LSM14A: variants seen among roughly 807,000 people sequenced by gnomAD.
LSM14A encodes LSM14A mRNA processing body assembly factor.
LSM14A carries 14 observed loss-of-function variants against 52.4 expected under a neutral mutation model. The observed-to-expected ratio is 0.27, with a 90% CI of 0.18 to 0.42. The LOEUF (loss-of-function observed/expected upper bound fraction) is 0.42, where lower values mean the gene tolerates loss of function less well. Ranked by LOEUF, LSM14A falls within the 10% of genes least tolerant of loss-of-function variation. The pLI, the probability that LSM14A is intolerant of heterozygous loss-of-function variation, is 1.00. For synonymous variants in LSM14A, 185 were observed against 200.3 expected, an observed-to-expected ratio of 0.92 and a Z score of 0.64; for missense variants, 417 against 581.8, an observed-to-expected ratio of 0.72 and a Z score of 2.91.
chr19:34,175,933 G>A (rs1321639450), intron 1 of LSM14A, among the ~76,000 whole-genome samples: 3 of 152,086 alleles, frequency 2.0e-5, no homozygotes, highest in Non-Finnish European at 4.4e-5. Context: ...TTGGCTCGCT[G>A]CAGCCTCCAC....
At chr19:34,214,036 G>C (rs2072371123) in intron 4 of LSM14A, among the ~76,000 whole-genome samples, 1 of 152,118 alleles carries the variant, frequency 6.6e-6, no homozygotes, top group African/African-American at 2.4e-5. Context: ...GCCCATCTCA[G>C]CCTCCCAAAT....
At chr19:34,187,391 G>A (rs8103721) in intron 1 of LSM14A, among the ~76,000 whole-genome samples, 6,206 of 151,638 alleles carry the variant, frequency 0.041, 394 homozygotes, top group African/African-American at 0.14. Flanking sequence ...CAATTCTCAT[G>A]CCTCAGCCTC....
intron 1 of LSM14A, among the ~76,000 whole-genome samples, chr19:34,177,208 A>T (rs2069146328): frequency 6.6e-6 from 1 of 152,128 alleles, no homozygotes; most frequent in Admixed American, 6.5e-5. Context: ...AAATTAACAG[A>T]AGTTCTTCAT....
intron 1 of LSM14A, among the ~76,000 whole-genome samples, chr19:34,181,938 A>G (rs2069510443): frequency 6.6e-6 from 1 of 152,132 alleles, no homozygotes; most frequent in African/African-American, 2.4e-5. Flanking sequence ...CCATCTAATC[A>G]AATGACAGCT....
At chr19:34,225,816 G>A (rs1437572556) in intron 9 of LSM14A, among the ~76,000 whole-genome samples, 1 of 152,186 alleles carries the variant, frequency 6.6e-6, no homozygotes, top group Non-Finnish European at 1.5e-5. Flanking sequence ...TGTAATACCA[G>A]CATTTTGGGA....
Position 34,227,714 on chromosome 19 carries a change from T to A in LSM14A, c.*326T>A, listed in dbSNP as rs188212454. 566 of 269,424 alleles carry A rather than the reference T, an allele frequency of 2.1e-3. 5 individuals are homozygous for A. The highest frequency in any genetic ancestry group is 0.012 in the African/African-American group (524 of 44,578). The allele number at this position is 269,424 out of a possible 1,614,324, so 16.7% of individuals were successfully genotyped here. A position where few individuals can be genotyped will look rare whatever the true frequency, so the allele number is the denominator to read the frequency against. ...TCATCACTGAAAGGTTTTTTTTTTTTATCACTAAATTGTATTTGGCAATTG... is the reference window on the plus strand; with the variant it reads ...TCATCACTGAAAGGTTTTTTTTTTTAATCACTAAATTGTATTTGGCAATTG... On this transcript the variant is annotated 3_prime_UTR_variant, in exon 10 of 10. Transcript: ENST00000544216.
intron 1 of LSM14A, 64 bp downstream of exon 1, chr19:34,172,827 C>G: frequency 6.7e-7 from 1 of 1,482,042 alleles, no homozygotes; most frequent in Non-Finnish European, 8.9e-7. Context: ...GCTCCCCGCT[C>G]CGGCCCGCGG....
chr19:34,207,999 C>T (rs2071834154), intron 3 of LSM14A, among the ~76,000 whole-genome samples: 1 of 152,118 alleles, frequency 6.6e-6, no homozygotes, highest in Admixed American at 6.5e-5. Flanking sequence ...TTGTAATCTT[C>T]ATGTGTTTTA....
intron 1 of LSM14A, among the ~76,000 whole-genome samples, chr19:34,183,674 G>C (rs2069671466): frequency 6.6e-6 from 1 of 152,182 alleles, no homozygotes; most frequent in Admixed American, 6.5e-5. Flanking sequence ...GCAAAGTTGA[G>C]AGCCGCAACC....
intron 3 of LSM14A, among the ~76,000 whole-genome samples, chr19:34,197,613 G>C (rs916515784): frequency 6.6e-6 from 1 of 150,406 alleles, no homozygotes; most frequent in African/African-American, 2.4e-5. Flanking sequence ...CAATTTTTTT[G>C]TATTTTTAGT....
chr19:34,212,793 GA>G (rs1444441284), intron 4 of LSM14A, among the ~76,000 whole-genome samples: 6 of 152,166 alleles, frequency 3.9e-5, no homozygotes, highest in Non-Finnish European at 8.8e-5. Context: ...CCTTAATAGT[GA>G]AAAGGCTTTT....
intron 3 of LSM14A, among the ~76,000 whole-genome samples, chr19:34,197,210 G>T (rs945091145): frequency 6.6e-6 from 1 of 151,918 alleles, no homozygotes; most frequent in Admixed American, 6.6e-5. Flanking sequence ...TCGTGCCTCA[G>T]CCTCCCAGAT....
intron 1 of LSM14A, among the ~76,000 whole-genome samples, chr19:34,193,328 A>ACGTT (rs1555768099): frequency 2.3e-5 from 2 of 87,970 alleles, no homozygotes; most frequent in Non-Finnish European, 5.0e-5. Context: ...ATTTTTAAAA[A>ACGTT]TGTTTATTTT....
At chr19:34,216,057 CTG>C (rs1222820479) in intron 6 of LSM14A, among the ~76,000 whole-genome samples, 1 of 152,094 alleles carries the variant, frequency 6.6e-6, no homozygotes, top group Non-Finnish European at 1.5e-5. Flanking sequence ...AGGGACGACT[CTG>C]AACTAGTTTT....
chr19:34,205,459 G>A lies in LSM14A; in HGVS notation c.416-3470G>A, dbSNP rs566973017. ...CGAGATCACACCATTGAACTCCAGCGTGGGCGACAGAACAAGACTCCATCT... is the reference window on the plus strand; with the variant it reads ...CGAGATCACACCATTGAACTCCAGCATGGGCGACAGAACAAGACTCCATCT... On this transcript the variant is annotated intron_variant, in intron 3 of 9. Transcript: ENST00000544216. Among the ~76,000 whole-genome samples, 57 of 133,142 alleles carry A rather than the reference G, an allele frequency of 4.3e-4. No homozygotes were observed. In the South Asian group the frequency reaches 9.2e-3, roughly 21 times the overall value. 87.3% of individuals were successfully genotyped at this position (133,142 alleles called of 152,430 possible).
intron 3 of LSM14A, 60 bp from the exon 4 acceptor site, chr19:34,208,869 C>A: frequency 1.7e-6 from 2 of 1,188,946 alleles, no homozygotes; most frequent in South Asian, 1.6e-5. Context: ...TACTTTATAT[C>A]ATTGAATAAT....
chr19:34,194,558 C>A lies in LSM14A; in HGVS notation c.202C>A (p.Arg68Ser). The change falls in exon 2 of 10, where the codon CGT becomes AGT. Residue 68 changes from arginine to serine, a missense_variant. By Grantham distance (110) the Arg-to-Ser change is moderately radical. Around this residue, in one of 2 missense-constraint regions of LSM14A, gnomAD observed 60 missense variants for 124.8 expected, o/e 0.48. Coordinates refer to ENST00000544216, the MANE Select transcript of LSM14A (RefSeq NM_015578.4). ...RDEVFEYIIF[R>S]GSDIKDLTVC... ...TGAAGTCTTTGAATACATTATATTC[C>A]GTGGGAGTGACATTAAAGACCTTAC... 1 of 1,613,986 alleles carries A rather than the reference C, an allele frequency of 6.2e-7. No individual in the cohort carries two copies. Among genetic ancestry groups the A allele is most frequent in the Non-Finnish European group, 8.5e-7 (1 of 1,179,876 alleles).
intron 4 of LSM14A, among the ~76,000 whole-genome samples, chr19:34,210,008 A>G (rs887699679): frequency 2.6e-5 from 4 of 152,134 alleles, no homozygotes; most frequent in African/African-American, 7.2e-5. Flanking sequence ...TTGTGCCACC[A>G]TGCTCGGCTT....
chr19:34,180,886 C>T (rs2069433424), intron 1 of LSM14A, among the ~76,000 whole-genome samples: 1 of 152,202 alleles, frequency 6.6e-6, no homozygotes, highest in Admixed American at 6.5e-5. Context: ...CACTATACTT[C>T]CATAATCCAT....
Sources: allele counts gnomAD v4.1 joint callset (sites outside exome capture counted in the v4.1 genomes callset), GRCh38; gene constraint gnomAD v4.1.1; regional missense constraint gnomAD v4.1.1; transcripts MANE v1.5; gene names NCBI Gene and HGNC (gene_info 2026-07-23, HGNC 2026-07-21).